ABR: variants seen among roughly 807,000 people sequenced by gnomAD.
The protein encoded by ABR is ABR activator of RhoGEF and GTPase.
In ABR, 35 loss-of-function variants were observed where a neutral mutation model predicts 107.2. The ratio of observed to expected loss-of-function variants is 0.33; its 90% confidence interval spans 0.25 to 0.43. The LOEUF (loss-of-function observed/expected upper bound fraction) is 0.43, where lower values mean the gene tolerates loss of function less well. ABR is among the 20% of genes least tolerant of loss of function. The pLI, the probability that ABR is intolerant of heterozygous loss-of-function variation, is 1.00. For missense variants in ABR, 815 were observed against 1,115.2 expected, an observed-to-expected ratio of 0.73 and a Z score of 3.83; for synonymous variants, 498 against 462.0, an observed-to-expected ratio of 1.08 and a Z score of -1.00.
intron 10 of ABR, among the ~76,000 whole-genome samples, chr17:1,066,761 T>A (rs887886954): frequency 5.9e-5 from 9 of 152,148 alleles, no homozygotes; most frequent in Non-Finnish European, 1.3e-4. Context: ...ACTCCTGGCC[T>A]CAGGTGATCC....
chr17:1,078,165 C>T lies in ABR; in HGVS notation c.700+1165G>A, dbSNP rs915948787. On this transcript the variant is annotated intron_variant, in intron 6 of 22. Coordinates refer to ENST00000302538, the MANE Select transcript of ABR (RefSeq NM_021962.5). The surrounding 1 kb of genome is among the most constrained non-coding windows in gnomAD (Gnocchi z 7.5). The stretch of plus-strand genomic sequence containing the variant: ...AGAGTAGCTTGCCACACCCCTCTCC[C>T]GCTGGCCCTGCCGACCTGCCTTCCA... 3.3e-5 allele frequency among the ~76,000 whole-genome samples: 5 copies of T among 151,962 alleles called. No homozygotes were observed. Among genetic ancestry groups the T allele is most frequent in the Non-Finnish European group, 2.9e-5 (2 of 67,986 alleles).
rs539481177 is a variant in ABR, at chr17:1,185,594, G to A, written c.-78+1206C>T. Reference sequence around the variant, plus strand: ...TGGGAGGTGGAGGTTGCAGTGAGCCGAGATCGTGCCACTGCACTCCAGCCT... The same window carrying A: ...TGGGAGGTGGAGGTTGCAGTGAGCCAAGATCGTGCCACTGCACTCCAGCCT... On this transcript the variant is annotated intron_variant, in intron 1 of 22. Coordinates refer to the ABR transcript ENST00000544583. Among the ~76,000 whole-genome samples, 19 of 146,598 alleles carry A rather than the reference G, an allele frequency of 1.3e-4. No homozygotes were observed. In the East Asian group the frequency reaches 3.5e-3, roughly 27 times the overall value.
chr17:1,114,660 C>T (rs1189511243), intron 2 of ABR, among the ~76,000 whole-genome samples: 1 of 152,028 alleles, frequency 6.6e-6, no homozygotes, highest in African/African-American at 2.4e-5. Context: ...GTAGTCCCAG[C>T]TACTCAGGAG....
rs576572002 is a variant in ABR, at chr17:1,148,996, G to C, written c.62-23629C>G. Among the ~76,000 whole-genome samples, 44 of 150,938 alleles carry C rather than the reference G, an allele frequency of 2.9e-4. No homozygotes were observed. Among genetic ancestry groups the C allele is most frequent in the African/African-American group, 9.6e-4 (39 of 40,778 alleles). On this transcript the variant is annotated intron_variant, in intron 1 of 22. Coordinates refer to ENST00000302538, the MANE Select transcript of ABR (RefSeq NM_021962.5). The surrounding 1 kb of genome is among the most constrained non-coding windows in gnomAD (Gnocchi z 4.9). The stretch of plus-strand genomic sequence containing the variant: ...GGCTCACTGCAAGCTCCGCCTCCTG[G>C]GTTCACGCCATTCTCCTGCCTCAGC...
chr17:1,127,812 C>T (rs1377533211), intron 1 of ABR, among the ~76,000 whole-genome samples: 1 of 152,196 alleles, frequency 6.6e-6, no homozygotes, highest in Non-Finnish European at 1.5e-5. Context: ...TAGGGAAGGT[C>T]TCTGCCAGTC....
upstream of ABR, among the ~76,000 whole-genome samples, chr17:1,183,777 C>A (rs529951549): frequency 6.6e-6 from 1 of 151,888 alleles, no homozygotes; most frequent in East Asian, 1.9e-4. Flanking sequence ...CAGGGAGCCC[C>A]GGTGCGTGCA....
In ABR at chr17:1,050,856, C is replaced by T. The variant is rs368942926; in HGVS notation, c.1562-222G>A. On this transcript the variant is annotated intron_variant, in intron 14 of 22. Transcript: ENST00000302538. This position sits in a 1 kb window ranked among gnomAD's most constrained non-coding sequence, Gnocchi z 4.6. The stretch of plus-strand genomic sequence containing the variant: ...CACCTCGGCTCACCCCACACTCTGC[C>T]CTTCCTACCTCAGCCCTCCCCACAC... Among the ~76,000 whole-genome samples, 23 of 151,990 alleles carry T rather than the reference C, an allele frequency of 1.5e-4. No homozygotes were observed. The East Asian group carries it at 2.1e-3, about 14-fold the overall frequency.
Position 1,136,952 on chromosome 17 carries a change from G to A in ABR, c.62-11585C>T, listed in dbSNP as rs1265295980. On this transcript the variant is annotated intron_variant, in intron 1 of 22. Coordinates refer to ENST00000302538, the MANE Select transcript of ABR (RefSeq NM_021962.5). Reference sequence around the variant, plus strand: ...TTGGCTAACTGGTAGGAGAGGCTCCGCTTCCAGCCTATCTTGGCTTTCAAC... The same window carrying A: ...TTGGCTAACTGGTAGGAGAGGCTCCACTTCCAGCCTATCTTGGCTTTCAAC... Among the ~76,000 whole-genome samples the A allele has an allele frequency of 1.3e-5, 2 of 151,800 alleles. 1 individual carries two copies. The highest frequency in any genetic ancestry group is 2.9e-5 in the Non-Finnish European group (2 of 67,990).
chr17:1,180,498 A>G (rs936325218), upstream of ABR, among the ~76,000 whole-genome samples: 3 of 151,696 alleles, frequency 2.0e-5, no homozygotes, highest in Non-Finnish European at 4.4e-5. Flanking sequence ...CCCGCCACAC[A>G]TGGAGGGGGG....
At position 1,113,277 on chromosome 17, in the gene ABR, G is replaced by GGTTTTTT. The variant is rs1416563541; in HGVS notation, c.246+11905_246+11906insAAAAAAC. 7.3e-4 allele frequency among the ~76,000 whole-genome samples: 64 copies of GGTTTTTT among 88,204 alleles called. 16 individuals carry two copies. In the Middle Eastern group the frequency reaches 0.023, roughly 32 times the overall value. 57.9% of individuals were successfully genotyped at this position (88,204 alleles called of 152,430 possible). On this transcript the variant is annotated intron_variant, in intron 2 of 22. Transcript: ENST00000302538. Reference sequence around the variant, plus strand: ...GGGATAACATGGAAACACCTATTGCGATTTTTTTTTTTTTTTTTTTTTTTT... The same window carrying GGTTTTTT: ...GGGATAACATGGAAACACCTATTGCGGTTTTTTATTTTTTTTTTTTTTTTTTTTTTTT...
At chr17:1,128,068 G>A (rs1281181187) in intron 1 of ABR, among the ~76,000 whole-genome samples, 2 of 152,198 alleles carry the variant, frequency 1.3e-5, no homozygotes, top group Admixed American at 6.5e-5. Context: ...GGAGCTGAAC[G>A]CAGGGGGCCT....
At chr17:1,158,387 C>G (rs546661933) in intron 1 of ABR, among the ~76,000 whole-genome samples, 18 of 151,856 alleles carry the variant, frequency 1.2e-4, no homozygotes, top group African/African-American at 4.4e-4. Flanking sequence ...TGAACCACCG[C>G]GCCCAGCCGT....
chr17:1,199,866 C>T (rs1210913283), intron 1 of ABR, among the ~76,000 whole-genome samples: 3 of 151,794 alleles, frequency 2.0e-5, no homozygotes, highest in Non-Finnish European at 4.4e-5. Context: ...CCATAAAATA[C>T]ACCACCCCAA....
chr17:1,108,784 TC>T, intron 2 of ABR: 1 of 1,019,238 alleles, frequency 9.8e-7, no homozygotes, highest in Non-Finnish European at 1.3e-6. Context: ...CCCGCCCCTC[TC>T]CCCCGGGAAC....
At chr17:1,217,049 T>C (rs771951384) in intron 1 of ABR, among the ~76,000 whole-genome samples, 2 of 152,124 alleles carry the variant, frequency 1.3e-5, no homozygotes, top group Non-Finnish European at 1.5e-5. Flanking sequence ...TGGAGGCTCA[T>C]TAGAGATGGG....
rs1374161560 is a variant in ABR, at chr17:1,006,081, T to A, written c.2579A>T (p.Ter860LeuextTer77). ...RNTLYFSTDV* is the reference protein window; with the variant it reads ...RNTLYFSTDVL The stretch of plus-strand genomic sequence containing the variant: ...CGCCCGCAGCCACCCTGCCTCGGGC[T>A]ACACGTCGGTGGAGAAGTACAGTGT... The change falls in exon 23 of 23, where the codon TAG (stop) becomes TTG (leucine). Residue 860 changes from the stop codon to leucine (L), a stop_lost. Coordinates refer to ENST00000302538, the MANE Select transcript of ABR (RefSeq NM_021962.5). 6.4e-7 allele frequency: 1 copy of A among 1,564,874 alleles called. No homozygotes were observed. Among genetic ancestry groups the A allele is most frequent in the Non-Finnish European group, 8.7e-7 (1 of 1,154,408 alleles).
At chr17:1,106,773 G>A (rs993364443) in intron 2 of ABR, among the ~76,000 whole-genome samples, 7 of 152,022 alleles carry the variant, frequency 4.6e-5, no homozygotes, top group Non-Finnish European at 7.4e-5. Flanking sequence ...CAGGTGATCC[G>A]CCCACCTCAG....
In ABR at chr17:1,089,131, C is replaced by T. The variant is rs1597755947; in HGVS notation, c.531+2534G>A. Reference sequence around the variant, plus strand: ...CAGGCTGGTCTCGAACTCCTGACCTCACGATCCACCCACCCCGGCCTCCCA... The same window carrying T: ...CAGGCTGGTCTCGAACTCCTGACCTTACGATCCACCCACCCCGGCCTCCCA... On this transcript the variant is annotated intron_variant, in intron 4 of 22. Coordinates refer to ENST00000302538, the MANE Select transcript of ABR (RefSeq NM_021962.5). Among the ~76,000 whole-genome samples, 4 of 152,152 alleles carry T rather than the reference C, an allele frequency of 2.6e-5. No individual in the cohort carries two copies. In the East Asian group the frequency reaches 7.7e-4, roughly 29 times the overall value.
upstream of ABR, among the ~76,000 whole-genome samples, chr17:1,190,655 A>C (rs1184278798): frequency 1.3e-5 from 2 of 151,984 alleles, no homozygotes; most frequent in African/African-American, 2.4e-5. Flanking sequence ...AACACACACA[A>C]AAAAACTTAT....
Sources: gnomAD v4.1 joint callset for allele counts (sites outside exome capture counted in the v4.1 genomes callset) on GRCh38, gnomAD v4.1.1 for gene constraint, Gnocchi (gnomAD v3.1) non-coding constraint, MANE v1.5 for transcripts, NCBI Gene and HGNC (gene_info 2026-07-23, HGNC 2026-07-21) for gene names.